The following LPP variants were observed in gnomAD, a reference collection of about 807,000 sequenced individuals.
LPP encodes LIM domain containing preferred translocation partner in lipoma, also known as lipoma-preferred partner.
LPP carries 38 observed loss-of-function variants against 60.4 expected under a neutral mutation model. The ratio of observed to expected loss-of-function variants is 0.63; its 90% CI spans 0.49 to 0.83. The LOEUF is 0.83. Ranked by LOEUF, LPP falls within the 40% of genes least tolerant of loss-of-function variation. The pLI is 0.00. For missense variants in LPP, 902 were observed against 783.6 expected (o/e 1.15, Z -1.80); for synonymous variants, 328 against 290.8 (o/e 1.13, Z -1.30).
At chr3:188,797,928 C>CTT (rs1745867477) in intron 9 of LPP, among the ~76,000 whole-genome samples, 1 of 152,118 alleles carries the variant, frequency 6.6e-6, no homozygotes, top group Admixed American at 6.5e-5. Context: ...ATGATGAAAC[C>CTT]ATTTGCTTAT....
chr3:188,424,679 G>T (rs936984598), intron 4 of LPP, among the ~76,000 whole-genome samples: 2 of 152,060 alleles, frequency 1.3e-5, no homozygotes, highest in African/African-American at 4.8e-5. Context: ...TCCCTTGTAA[G>T]TCGTATTCCT....
chr3:188,402,255 GA>G (rs950640587), intron 3 of LPP, among the ~76,000 whole-genome samples: 11 of 151,832 alleles, frequency 7.2e-5, no homozygotes, highest in African/African-American at 1.4e-4. Context: ...AAAACAAGCA[GA>G]AAAAAATGCT....
Position 188,320,945 on chromosome 3 carries a change from G to A in LPP, c.-66-20718G>A, listed in dbSNP as rs547870924. ...AGTAGAAAAGGTATCCCAGTGGCCA[G>A]TGTGAGTAAGCTGTCATATTTTCGG... On this transcript the variant is annotated intron_variant, in intron 2 of 11. Coordinates refer to ENST00000617246, the MANE Select transcript of LPP (RefSeq NM_001375462.1). Among the ~76,000 whole-genome samples the A allele has an allele frequency of 5.3e-5, 8 of 152,336 alleles. No homozygotes were observed. In the South Asian group the frequency reaches 8.3e-4, roughly 16 times the overall value.
intron 1 of LPP, among the ~76,000 whole-genome samples, chr3:188,170,283 GAATC>G (rs1721175424): frequency 6.6e-6 from 1 of 151,152 alleles, no homozygotes; most frequent in Non-Finnish European, 1.5e-5. Context: ...TCTGCCTTGT[GAATC>G]ACTCTTATGA....
intron 3 of LPP, among the ~76,000 whole-genome samples, chr3:188,392,055 A>C (rs991847316): frequency 3.9e-5 from 6 of 152,196 alleles, no homozygotes. Context: ...GATCTACCAT[A>C]TCCACCACAT....
intron 6 of LPP, among the ~76,000 whole-genome samples, chr3:188,526,481 G>T (rs1339177057): frequency 6.6e-6 from 1 of 152,078 alleles, no homozygotes; most frequent in African/African-American, 2.4e-5. Context: ...AGTAGAGATG[G>T]AGTTTCACCA....
chr3:188,429,737 CAG>C (rs1171894939), intron 4 of LPP, among the ~76,000 whole-genome samples: 2 of 152,126 alleles, frequency 1.3e-5, no homozygotes, highest in African/African-American at 4.8e-5. Flanking sequence ...AGTTCCACTG[CAG>C]AGTCTCTTAA....
In LPP at chr3:188,363,226, G is replaced by A. The variant is rs751179737; in HGVS notation, c.-10+21507G>A. Among the ~76,000 whole-genome samples the A allele has an allele frequency of 5.3e-5, 8 of 152,116 alleles. No individual in the cohort carries two copies. In the South Asian group the frequency reaches 8.3e-4, roughly 16 times the overall value. ...CATTCAAGCTTTGATTTCCACGCCCGGTTTTTTGCTAAAAGGCCTTTAACC... is the reference window on the plus strand; with the variant it reads ...CATTCAAGCTTTGATTTCCACGCCCAGTTTTTTGCTAAAAGGCCTTTAACC... On this transcript the variant is annotated intron_variant, in intron 3 of 11. Coordinates refer to ENST00000617246, the MANE Select transcript of LPP (RefSeq NM_001375462.1).
rs139655233 is a variant in LPP at position 188,464,826 on chromosome 3, A to T, written c.194-19766A>T. ...TGTTGGATGTTCTGTTTTTATAAAC[A>T]TGTGGTCTTCTCATATTTACACCCC... On this transcript the variant is annotated intron_variant, in intron 4 of 11. Coordinates refer to ENST00000617246, the MANE Select transcript of LPP (RefSeq NM_001375462.1). Among the ~76,000 whole-genome samples, 739 of 152,246 alleles carry T rather than the reference A, an allele frequency of 4.9e-3. 9 individuals are homozygous for T. Among genetic ancestry groups the T allele is most frequent in the South Asian group, 0.02 (98 of 4,826 alleles).
chr3:188,299,618 C>T (rs1395031229), intron 2 of LPP, among the ~76,000 whole-genome samples: 1 of 152,136 alleles, frequency 6.6e-6, no homozygotes, highest in Non-Finnish European at 1.5e-5. Context: ...CTCCCCGTCC[C>T]ACTGTGAGGT....
intron 9 of LPP, among the ~76,000 whole-genome samples, chr3:188,805,879 TA>T (rs1748978892): frequency 6.6e-6 from 1 of 151,954 alleles, no homozygotes; most frequent in African/African-American, 2.4e-5. Context: ...AATATTTGGA[TA>T]TTTTTTCTAG....
At chr3:188,291,436 G>A (rs1000471924) in intron 2 of LPP, among the ~76,000 whole-genome samples, 6 of 151,968 alleles carry the variant, frequency 3.9e-5, no homozygotes, top group Non-Finnish European at 7.4e-5. Context: ...TCAGGAGATC[G>A]AGACCATCCT....
At chr3:188,399,625 T>C (rs1489513622) in intron 3 of LPP, among the ~76,000 whole-genome samples, 1 of 152,206 alleles carries the variant, frequency 6.6e-6, no homozygotes, top group African/African-American at 2.4e-5. Context: ...TAATACAATG[T>C]CATTTAAAGA....
At chr3:188,581,472 T>G (rs993920572) in intron 6 of LPP, among the ~76,000 whole-genome samples, 5 of 152,180 alleles carry the variant, frequency 3.3e-5, no homozygotes, top group Admixed American at 1.3e-4. Context: ...GTTTATATTC[T>G]GCTTGAAGGT....
intron 4 of LPP, among the ~76,000 whole-genome samples, chr3:188,438,298 T>C (rs1792857676): frequency 1.3e-5 from 2 of 148,344 alleles, no homozygotes; most frequent in Non-Finnish European, 3.0e-5. Flanking sequence ...GTAATTATAA[T>C]GAGAATACTA....
At chr3:188,487,804 A>T (rs1485506572) in intron 5 of LPP, among the ~76,000 whole-genome samples, 1 of 152,182 alleles carries the variant, frequency 6.6e-6, no homozygotes, top group Non-Finnish European at 1.5e-5. Context: ...CATGTTCCCA[A>T]GTCCAAATTA....
At chr3:188,819,020 T>C (rs1753219102) in intron 9 of LPP, among the ~76,000 whole-genome samples, 2 of 134,460 alleles carry the variant, frequency 1.5e-5, no homozygotes, top group African/African-American at 5.9e-5. Flanking sequence ...TTGCAACTCA[T>C]GGGGGTCGTG....
intron 5 of LPP, among the ~76,000 whole-genome samples, chr3:188,498,153 C>T (rs1374858297): frequency 2.0e-5 from 3 of 151,656 alleles, no homozygotes; most frequent in Admixed American, 6.6e-5. Flanking sequence ...CTCCTATGTT[C>T]TTTTTTTTCC....
intron 3 of LPP, among the ~76,000 whole-genome samples, chr3:188,394,369 T>C (rs1251417562): frequency 6.6e-6 from 1 of 152,182 alleles, no homozygotes; most frequent in African/African-American, 2.4e-5. Context: ...AGGGGCTGTC[T>C]TGTAAGGTAA....
Sources: gnomAD v4.1 joint callset for allele counts (sites outside exome capture counted in the v4.1 genomes callset) on GRCh38, gnomAD v4.1.1 for gene constraint, MANE v1.5 for transcripts, NCBI Gene and HGNC (gene_info 2026-07-23, HGNC 2026-07-21) for gene names.